Variants in KCNIP4 observed in about 807,000 individuals in gnomAD.
The protein encoded by KCNIP4 is Kv channel-interacting protein 4.
Under a neutral mutation model 34.0 loss-of-function variants are expected in KCNIP4, and 12 were observed. The ratio of observed to expected loss-of-function variants is 0.35; its 90% CI spans 0.23 to 0.57. The LOEUF is 0.57. Among genes scored for constraint, KCNIP4 ranks in the 20% least tolerant of loss-of-function variants. The pLI, the probability that KCNIP4 is intolerant of heterozygous loss-of-function variation, is 0.83. For missense variants in KCNIP4, 238 were observed against 311.7 expected (o/e 0.76, Z 1.78); for synonymous variants, 124 against 102.2 (o/e 1.21, Z -1.29).
At chr4:21,093,998 G>A (rs925289771) in intron 1 of KCNIP4, among the ~76,000 whole-genome samples, 1 of 151,858 alleles carries the variant, frequency 6.6e-6, no homozygotes, top group South Asian at 2.1e-4. Context: ...AGGAGAATGG[G>A]GTGAACCCGG....
chr4:21,140,177 G>C (rs6821150), intron 1 of KCNIP4, among the ~76,000 whole-genome samples: 1 of 151,376 alleles, frequency 6.6e-6, no homozygotes, highest in Non-Finnish European at 1.5e-5. Flanking sequence ...TTGCCGTCAG[G>C]CTGCTTGGCT....
intron 1 of KCNIP4, among the ~76,000 whole-genome samples, chr4:21,104,410 T>C (rs1225776799): frequency 6.6e-6 from 1 of 152,208 alleles, no homozygotes; most frequent in East Asian, 1.9e-4. Context: ...AAGTGTCTGT[T>C]CATATCCTTC....
At chr4:21,673,582 T>G (rs1224272745) in intron 1 of KCNIP4, among the ~76,000 whole-genome samples, 1 of 152,148 alleles carries the variant, frequency 6.6e-6, no homozygotes, top group Admixed American at 6.5e-5. Flanking sequence ...AAATCCCACT[T>G]TCTAGAAATT....
rs139003394 is a variant in KCNIP4, at chr4:21,079,787, G to A, written c.62-197078C>T. The stretch of plus-strand genomic sequence containing the variant: ...TTATAAGTGAAAAAGGGAGGCAGGA[G>A]AGTCAGAGTCCCAGAAGGATATGTG... On this transcript the variant is annotated intron_variant, in intron 1 of 8. Coordinates refer to ENST00000382152, the MANE Select transcript of KCNIP4 (RefSeq NM_025221.6). 5.2e-3 allele frequency among the ~76,000 whole-genome samples: 787 copies of A among 151,840 alleles called. 24 individuals are homozygous for A. Among genetic ancestry groups the A allele is most frequent in the African/African-American group, 0.018 (760 of 41,266 alleles).
At chr4:21,337,911 C>T (rs1716335235) in intron 1 of KCNIP4, among the ~76,000 whole-genome samples, 1 of 152,062 alleles carries the variant, frequency 6.6e-6, no homozygotes, top group Non-Finnish European at 1.5e-5. Context: ...ATTTCTTCCA[C>T]CCGTGTAAGT....
chr4:21,618,996 A>G (rs1362585438), intron 1 of KCNIP4, among the ~76,000 whole-genome samples: 1 of 151,964 alleles, frequency 6.6e-6, no homozygotes, highest in Non-Finnish European at 1.5e-5. Flanking sequence ...CCAAATAGTG[A>G]GTTACTTGAT....
At chr4:21,150,178 G>A (rs1264187628) in intron 1 of KCNIP4, among the ~76,000 whole-genome samples, 1 of 152,150 alleles carries the variant, frequency 6.6e-6, no homozygotes, top group African/African-American at 2.4e-5. Flanking sequence ...TGCAGGGATT[G>A]GAGCCAATCT....
At chr4:20,759,236 T>TA (rs1553891062) in intron 3 of KCNIP4, among the ~76,000 whole-genome samples, 1 of 151,632 alleles carries the variant, frequency 6.6e-6, no homozygotes, top group Non-Finnish European at 1.5e-5. Context: ...GTTTATAATA[T>TA]AGTCTTTGGT....
chr4:20,881,492 T>C (rs1724676124), intron 2 of KCNIP4, among the ~76,000 whole-genome samples: 1 of 152,146 alleles, frequency 6.6e-6, no homozygotes, highest in Non-Finnish European at 1.5e-5. Flanking sequence ...CTCTGTCTGA[T>C]TCTAAGAGTT....
chr4:21,250,131 T>TC (rs1172055425), intron 1 of KCNIP4, among the ~76,000 whole-genome samples: 1 of 150,474 alleles, frequency 6.6e-6, no homozygotes, highest in Non-Finnish European at 1.5e-5. Flanking sequence ...TTTTTTTTTT[T>TC]CCCCCAGGAA....
intron 1 of KCNIP4, among the ~76,000 whole-genome samples, chr4:21,424,013 G>A (rs1026519254): frequency 6.6e-6 from 1 of 150,592 alleles, no homozygotes; most frequent in Non-Finnish European, 1.5e-5. Context: ...TAGAGACTGG[G>A]TTTCACCATG....
intron 1 of KCNIP4, among the ~76,000 whole-genome samples, chr4:21,446,606 C>G (rs10016649): frequency 0.29 from 37,676 of 128,220 alleles, 6,093 homozygotes; most frequent in Non-Finnish European, 0.37. Flanking sequence ...AGGGGAACAT[C>G]ACACACTGGG....
At chr4:20,857,564 C>T (rs1292230331) in intron 2 of KCNIP4, among the ~76,000 whole-genome samples, 1 of 140,184 alleles carries the variant, frequency 7.1e-6, no homozygotes, top group Non-Finnish European at 1.6e-5. Context: ...TACATAAAAA[C>T]ATAACATATA....
At chr4:21,674,294 G>A (rs1371719811) in intron 1 of KCNIP4, among the ~76,000 whole-genome samples, 1 of 152,162 alleles carries the variant, frequency 6.6e-6, no homozygotes, top group African/African-American at 2.4e-5. Context: ...ACACACCCAT[G>A]TACATTTCTA....
chr4:21,516,142 G>A (rs1265766169), intron 1 of KCNIP4, among the ~76,000 whole-genome samples: 1 of 152,166 alleles, frequency 6.6e-6, no homozygotes, highest in African/African-American at 2.4e-5. Flanking sequence ...CTTGAGCAAA[G>A]TGCTATGAGA....
At chr4:21,197,159 A>G (rs1461992424) in intron 1 of KCNIP4, among the ~76,000 whole-genome samples, 1 of 152,184 alleles carries the variant, frequency 6.6e-6, no homozygotes, top group African/African-American at 2.4e-5. Context: ...ATTCTATTGC[A>G]GTGGGTGTCT....
Position 21,528,796 on chromosome 4 carries a change from GAAGA to G in KCNIP4, c.61+419771_61+419774del, listed in dbSNP as rs1306977653. ...GAAAGAAAGGAAGAAAGGAAGAAAG[GAAGA>G]AAGGAAGGAAGGAAGGAAGGAAGGA... On this transcript the variant is annotated intron_variant, in intron 1 of 8. Transcript: ENST00000382152. Among the ~76,000 whole-genome samples the G allele has an allele frequency of 2.5e-3, 22 of 8,806 alleles. 4 individuals carry two copies. Among genetic ancestry groups the G allele is most frequent in the African/African-American group, 3.2e-3 (7 of 2,164 alleles). The allele number at this position is 8,806 out of a possible 152,430, so 5.8% of individuals were successfully genotyped here.
intron 1 of KCNIP4, among the ~76,000 whole-genome samples, chr4:21,761,733 A>G (rs1016938473): frequency 2.0e-5 from 3 of 152,022 alleles, no homozygotes; most frequent in Non-Finnish European, 4.4e-5. Context: ...TATTTTTTCC[A>G]AATTTACTCC....
chr4:21,115,354 A>G (rs1467118167), intron 1 of KCNIP4, among the ~76,000 whole-genome samples: 2 of 152,194 alleles, frequency 1.3e-5, no homozygotes, highest in African/African-American at 4.8e-5. Flanking sequence ...GGGACTACAA[A>G]TTTATAATTT....
Sources: gnomAD v4.1 joint callset for allele counts (sites outside exome capture counted in the v4.1 genomes callset) on GRCh38, gnomAD v4.1.1 for gene constraint, MANE v1.5 for transcripts, NCBI Gene and HGNC (gene_info 2026-07-23, HGNC 2026-07-21) for gene names.